RAP1A: variants seen among roughly 807,000 people sequenced by gnomAD.
RAP1A encodes the protein RAP1A, member of RAS oncogene family, also known as ras-related protein Rap-1A.
In RAP1A, 6 loss-of-function variants were observed where a neutral mutation model predicts 26.4. That is an observed-to-expected ratio of 0.23 (90% CI 0.12 to 0.45). RAP1A has a LOEUF of 0.45. Ranked by LOEUF, RAP1A falls within the 20% of genes least tolerant of loss-of-function variation. The pLI is 0.99. For missense variants in RAP1A, 121 were observed against 217.2 expected, an observed-to-expected ratio of 0.56 and a Z score of 2.78; for synonymous variants, 73 against 79.4, an observed-to-expected ratio of 0.92 and a Z score of 0.43.
At chr1:111,592,846 T>A (rs995080608) in intron 1 of RAP1A, among the ~76,000 whole-genome samples, 2 of 152,100 alleles carry the variant, frequency 1.3e-5, no homozygotes, top group Non-Finnish European at 2.9e-5. Context: ...CCATTTCCTC[T>A]CTTCTCTGTT....
intron 1 of RAP1A, chr1:111,608,790 A>C (rs1300305631): frequency 6.4e-6 from 1 of 156,556 alleles, no homozygotes; most frequent in Non-Finnish European, 1.4e-5. Flanking sequence ...AATTGCAGGC[A>C]CTCCGCAGGC....
rs369349380 is a variant in RAP1A at position 111,715,319 on chromosome 1, G to GCC, written c.*2925_*2926dup. ...TCTTGAACTCCTGACTTCGTGATCC[G>GCC]CCCCCCCCTCAGCCTCCCAAAGTGC... is the stretch of plus-strand genomic sequence containing the variant. On this transcript the variant is annotated 3_prime_UTR_variant, in exon 8 of 8. Transcript: ENST00000369709. 0.024 allele frequency: 3,471 copies of GCC among 142,920 alleles called. 100 individuals carry two copies. The highest frequency in any genetic ancestry group is 0.053 in the South Asian group (245 of 4,666). 8.9% of individuals were successfully genotyped at this position (142,920 alleles called of 1,614,324 possible). A position where few individuals can be genotyped will look rare whatever the true frequency, so the allele number is the denominator to read the frequency against.
At chr1:111,666,168 C>G (rs1199594405) in intron 1 of RAP1A, among the ~76,000 whole-genome samples, 1 of 152,100 alleles carries the variant, frequency 6.6e-6, no homozygotes, top group East Asian at 1.9e-4. Context: ...CAAAACAGTA[C>G]AAGTGTTATT....
At chr1:111,689,237 A>T (rs1331593743) in intron 1 of RAP1A, among the ~76,000 whole-genome samples, 2 of 151,624 alleles carry the variant, frequency 1.3e-5, no homozygotes, top group Non-Finnish European at 2.9e-5. Flanking sequence ...ATAGCTTGGT[A>T]TTGTCCTGTA....
At chr1:111,664,523 GTC>G (rs747689633) in intron 1 of RAP1A, among the ~76,000 whole-genome samples, 4 of 151,204 alleles carry the variant, frequency 2.6e-5, no homozygotes, top group Non-Finnish European at 5.9e-5. Flanking sequence ...AGTCTCTTGA[GTC>G]TCTGCCTTTT....
intron 1 of RAP1A, among the ~76,000 whole-genome samples, chr1:111,639,949 G>C (rs1197024680): frequency 6.6e-6 from 1 of 152,144 alleles, no homozygotes; most frequent in Non-Finnish European, 1.5e-5. Context: ...ATTTTGTGTC[G>C]AGGTTTACCA....
At chr1:111,617,540 C>T (rs534455377), upstream of RAP1A, among the ~76,000 whole-genome samples, 7 of 152,240 alleles carry the variant, frequency 4.6e-5, no homozygotes, top group South Asian at 1.5e-3. Context: ...TCATGCCATT[C>T]TCCTGCCTCA....
rs142525611 is a variant in RAP1A, at chr1:111,677,893, CATTG to C, written c.-27-13435_-27-13432del. Among the ~76,000 whole-genome samples, 405 of 152,304 alleles carry C rather than the reference CATTG, an allele frequency of 2.7e-3. 2 individuals carry two copies. Among genetic ancestry groups the C allele is most frequent in the African/African-American group, 8.8e-3 (365 of 41,542 alleles). ...GGTATGAATACAAGGAGACCAGGAT[CATTG>C]ATTGAGAGCTGTCTTGCAGGATGGG... On this transcript the variant is annotated intron_variant, in intron 1 of 7. Transcript: ENST00000369709.
chr1:111,699,487 G>T (rs1394773242), intron 4 of RAP1A, among the ~76,000 whole-genome samples: 2 of 109,440 alleles, frequency 1.8e-5, no homozygotes, highest in African/African-American at 4.1e-5. Context: ...TTTGAAACAG[G>T]GTCTCTCTCT....
chr1:111,627,747 A>C (rs545703154), intron 1 of RAP1A, among the ~76,000 whole-genome samples: 1 of 152,234 alleles, frequency 6.6e-6, no homozygotes, highest in Non-Finnish European at 1.5e-5. Flanking sequence ...GACCAAAAAA[A>C]AAATTACTGA....
chr1:111,712,707 A>G lies in RAP1A; in HGVS notation c.*306A>G, dbSNP rs960191688. ...TACAAAAGAGCATGGATGCATTTCA[A>G]ATGTTAGATATTGCTACTATAATCA... On this transcript the variant is annotated 3_prime_UTR_variant, in exon 8 of 8. Transcript: ENST00000369709. 2 of 152,518 alleles carry G rather than the reference A, an allele frequency of 1.3e-5. No homozygotes were observed. Among genetic ancestry groups the G allele is most frequent in the African/African-American group, 4.8e-5 (2 of 41,442 alleles). 9.4% of individuals were successfully genotyped at this position (152,518 alleles called of 1,614,324 possible).
intron 1 of RAP1A, among the ~76,000 whole-genome samples, chr1:111,625,435 A>C (rs1659367820): frequency 6.6e-6 from 1 of 152,188 alleles, no homozygotes; most frequent in Non-Finnish European, 1.5e-5. Flanking sequence ...TATGACTCTA[A>C]GTTAGTAGTG....
At chr1:111,704,255 T>C (rs1284352673) in intron 5 of RAP1A, 88 bp from the exon 6 acceptor site, 1 of 1,389,246 alleles carries the variant, frequency 7.2e-7, no homozygotes, top group African/African-American at 1.5e-5. Context: ...TGCATTTCAG[T>C]TGGTGGCAGA....
chr1:111,610,302 C>G (rs1002858017), intron 1 of RAP1A, among the ~76,000 whole-genome samples: 1 of 152,106 alleles, frequency 6.6e-6, no homozygotes, highest in African/African-American at 2.4e-5. Flanking sequence ...TCAGTAGAAA[C>G]TCTGGAAAAA....
At chr1:111,594,748 A>C (rs1658535371) in intron 1 of RAP1A, among the ~76,000 whole-genome samples, 1 of 152,210 alleles carries the variant, frequency 6.6e-6, no homozygotes, top group South Asian at 2.1e-4. Context: ...CTGATGAATA[A>C]ATGAAAATCT....
intron 1 of RAP1A, among the ~76,000 whole-genome samples, chr1:111,579,793 T>C (rs78219169): frequency 1.1e-4 from 1 of 9,300 alleles, no homozygotes; most frequent in African/African-American, 1.7e-4. Flanking sequence ...TATCTCCATT[T>C]ATTTATTTAT....
At chr1:111,659,736 A>AT (rs1225310953) in intron 1 of RAP1A, among the ~76,000 whole-genome samples, 2 of 150,966 alleles carry the variant, frequency 1.3e-5, no homozygotes, top group African/African-American at 2.4e-5. Flanking sequence ...ATGTTACTTC[A>AT]TTTTTTCTCC....
chr1:111,604,500 C>T (rs1658733307), intron 1 of RAP1A: 1 of 152,078 alleles, frequency 6.6e-6, no homozygotes, highest in Non-Finnish European at 1.5e-5. Flanking sequence ...CAGCTTATAC[C>T]CTTAAAATAT....
chr1:111,674,945 T>G (rs1301409643), intron 1 of RAP1A, among the ~76,000 whole-genome samples: 1 of 152,180 alleles, frequency 6.6e-6, no homozygotes, highest in African/African-American at 2.4e-5. Context: ...AGAATACAAA[T>G]CTAATCATAT....
Sources: gnomAD v4.1 joint callset for allele counts (sites outside exome capture counted in the v4.1 genomes callset) on GRCh38, gnomAD v4.1.1 for gene constraint, MANE v1.5 for transcripts, NCBI Gene and HGNC (gene_info 2026-07-23, HGNC 2026-07-21) for gene names.